Variants in TDRD7 observed in about 807,000 individuals in gnomAD.
The protein encoded by TDRD7 is tudor domain-containing protein 7.
A neutral mutation model predicts 109.8 loss-of-function variants in TDRD7; 47 were observed. The ratio of observed to expected loss-of-function variants is 0.43; its 90% CI spans 0.34 to 0.55. TDRD7 has a LOEUF of 0.55. Among genes scored for constraint, TDRD7 ranks in the 20% least tolerant of loss-of-function variants. The pLI is 0.03. For synonymous variants in TDRD7, 424 were observed against 457.3 expected, an observed-to-expected ratio of 0.93 and a Z score of 0.93; for missense variants, 1,164 against 1,319.2, an observed-to-expected ratio of 0.88 and a Z score of 1.82.
At chr9:97,424,511 T>G (rs1214341242) in intron 1 of TDRD7, among the ~76,000 whole-genome samples, 1 of 152,232 alleles carries the variant, frequency 6.6e-6, no homozygotes, top group Non-Finnish European at 1.5e-5. Flanking sequence ...TGATGTTTGG[T>G]GCACCTATGC....
intron 12 of TDRD7, among the ~76,000 whole-genome samples, chr9:97,477,778 T>G (rs1021302078): frequency 1.3e-5 from 2 of 152,132 alleles, no homozygotes; most frequent in African/African-American, 4.8e-5. Context: ...CCTTATATTT[T>G]AATATTTTGG....
In TDRD7 at chr9:97,432,032, A is replaced by G; in HGVS notation, c.357A>G (p.Pro119=). ...KTMPFFLEGK[P]KATLRQPGFA... Reference sequence around the variant, plus strand: ...GTATGCCTAACTTCATAGGAAAACCAAAAGCAACCCTCAGACAACCAGGAT... The same window carrying G: ...GTATGCCTAACTTCATAGGAAAACCGAAAGCAACCCTCAGACAACCAGGAT... The change falls in exon 4 of 17, where the codon CCA becomes CCG. Residue 119 remains proline, a synonymous_variant. Transcript: ENST00000355295. 6.2e-7 allele frequency: 1 copy of G among 1,613,758 alleles called. No individual in the cohort carries two copies. The highest frequency in any genetic ancestry group is 8.5e-7 in the Non-Finnish European group (1 of 1,179,724).
Position 97,443,153 on chromosome 9 carries a change from G to C in TDRD7, c.855+1278G>C, listed in dbSNP as rs115061740. ...CTCCACTTGAGTCTGTGGCCTCTTA[G>C]AGACTGGTGTCATTCAATCATTCAT... On this transcript the variant is annotated intron_variant, in intron 6 of 16. Transcript: ENST00000355295. Among the ~76,000 whole-genome samples the C allele has an allele frequency of 7.9e-3, 1,202 of 152,254 alleles. 17 individuals are homozygous for C. Among genetic ancestry groups the C allele is most frequent in the African/African-American group, 0.028 (1,161 of 41,552 alleles).
At chr9:97,423,761 T>C (rs189239183) in intron 1 of TDRD7, among the ~76,000 whole-genome samples, 1 of 152,318 alleles carries the variant, frequency 6.6e-6, no homozygotes, top group Admixed American at 6.5e-5. Context: ...CCTTTCTCTT[T>C]GACCCTTGGT....
intron 6 of TDRD7, among the ~76,000 whole-genome samples, chr9:97,449,605 C>T (rs1828456721): frequency 6.6e-6 from 1 of 152,180 alleles, no homozygotes; most frequent in South Asian, 2.1e-4. Flanking sequence ...TGCCACCCTC[C>T]AGGCAGCCCT....
chr9:97,473,099 T>C (rs958885057), intron 10 of TDRD7, among the ~76,000 whole-genome samples: 1 of 152,192 alleles, frequency 6.6e-6, no homozygotes, highest in Non-Finnish European at 1.5e-5. Flanking sequence ...GAAAGTAGAC[T>C]GATGATGGAT....
In TDRD7 at chr9:97,425,006, G is replaced by T. The variant is rs368325880; in HGVS notation, c.-6-3454G>T. ...ACAATATCCCTCTTTATCATAGTCA[G>T]CTTTCAAATGACACTACAGCGCCTC... On this transcript the variant is annotated intron_variant, in intron 1 of 16. Coordinates refer to ENST00000355295, the MANE Select transcript of TDRD7 (RefSeq NM_014290.3). Among the ~76,000 whole-genome samples the T allele has an allele frequency of 9.5e-4, 145 of 152,054 alleles. 1 individual carries two copies. In the South Asian group the frequency reaches 0.028, roughly 29 times the overall value.
chr9:97,431,135 A>G, intron 3 of TDRD7, 61 bp downstream of exon 3: 2 of 1,598,920 alleles, frequency 1.3e-6, no homozygotes, highest in Non-Finnish European at 8.6e-7. Context: ...ATCATAGGGA[A>G]TTATGGAAAT....
At chr9:97,432,849 A>G (rs553697233) in intron 4 of TDRD7, among the ~76,000 whole-genome samples, 2 of 152,358 alleles carry the variant, frequency 1.3e-5, no homozygotes, top group Non-Finnish European at 2.9e-5. Context: ...GTGGCAAACT[A>G]CAATCGATGG....
intron 12 of TDRD7, among the ~76,000 whole-genome samples, chr9:97,476,145 A>C (rs997925541): frequency 1.3e-5 from 2 of 152,046 alleles, no homozygotes; most frequent in African/African-American, 2.4e-5. Flanking sequence ...TTGCTCTCCA[A>C]AGTTGCCTTC....
intron 7 of TDRD7, among the ~76,000 whole-genome samples, chr9:97,462,990 G>A (rs1042512834): frequency 6.6e-6 from 1 of 152,258 alleles, no homozygotes; most frequent in Admixed American, 6.5e-5. Context: ...GCACTAGGGG[G>A]AGGCCCAGTG....
chr9:97,457,777 TAC>T (rs1295785241), intron 6 of TDRD7, among the ~76,000 whole-genome samples: 1 of 152,138 alleles, frequency 6.6e-6, no homozygotes, highest in African/African-American at 2.4e-5. Context: ...ATGTGGTGCG[TAC>T]ACACTATGGA....
In TDRD7 at chr9:97,433,918, G is replaced by T. The variant is rs191445017; in HGVS notation, c.563+1680G>T. On this transcript the variant is annotated intron_variant, in intron 4 of 16. Transcript: ENST00000355295. Reference sequence around the variant, plus strand: ...GGGGAACCCCAATACACTGCTGGGGGAAATGTAGGTTAGTACAGCTATTAT... The same window carrying T: ...GGGGAACCCCAATACACTGCTGGGGTAAATGTAGGTTAGTACAGCTATTAT... Among the ~76,000 whole-genome samples, 3 of 152,286 alleles carry T rather than the reference G, an allele frequency of 2.0e-5. No individual in the cohort carries two copies. In the East Asian group the frequency reaches 5.8e-4, roughly 29 times the overall value.
chr9:97,480,990 C>T (rs758659257), intron 14 of TDRD7, 52 bp downstream of exon 14: 1 of 1,495,474 alleles, frequency 6.7e-7, no homozygotes, highest in Non-Finnish European at 9.3e-7. Context: ...TGGCAGCTGT[C>T]AGGGCTCATT....
intron 6 of TDRD7, among the ~76,000 whole-genome samples, chr9:97,444,854 A>G (rs1178248889): frequency 1.3e-5 from 2 of 152,246 alleles, no homozygotes; most frequent in Non-Finnish European, 2.9e-5. Flanking sequence ...AATGCACAGC[A>G]TCAGCTTTAG....
chr9:97,428,315 C>T, intron 1 of TDRD7, 145 bp from the exon 2 acceptor site: 1 of 801,830 alleles, frequency 1.2e-6, no homozygotes, highest in Non-Finnish European at 2.0e-6. Context: ...CTTTTCTCTA[C>T]CGTGGCAGTT....
intron 1 of TDRD7, among the ~76,000 whole-genome samples, chr9:97,428,101 C>T (rs576830270): frequency 5.9e-4 from 90 of 152,242 alleles, no homozygotes; most frequent in Non-Finnish European, 1.1e-3. Flanking sequence ...TCTGTGCACT[C>T]GCACATCCTG....
chr9:97,441,865 A>G lies in TDRD7; in HGVS notation c.845A>G (p.His282Arg). The G allele has an allele frequency of 1.2e-6, 2 of 1,613,368 alleles. No individual in the cohort carries two copies. Among genetic ancestry groups the G allele is most frequent in the Non-Finnish European group, 1.7e-6 (2 of 1,179,474 alleles). Residue 282 changes from histidine to arginine, a missense_variant, in exon 6 of 17, where the codon CAT becomes CGT. By Grantham distance (29) the His-to-Arg change is conservative. This residue lies in a region of TDRD7 where 407 missense variants were observed against 394.0 expected (regional missense o/e 1.03). Transcript: ENST00000355295. ...GILQQFEHWP[H>R]ICTVEKPCSG... ...TTACAACAGTTTGAACACTGGCCTC[A>G]TATTTGCACGGTATGTTTTTCCTTA...
intron 6 of TDRD7, among the ~76,000 whole-genome samples, chr9:97,453,017 A>C (rs922041752): frequency 4.6e-5 from 7 of 152,226 alleles, no homozygotes; most frequent in Non-Finnish European, 8.8e-5. Context: ...CCAGATTCTC[A>C]GTACACTCCT....
Sources: allele counts gnomAD v4.1 joint callset (sites outside exome capture counted in the v4.1 genomes callset), GRCh38; gene constraint gnomAD v4.1.1; regional missense constraint gnomAD v4.1.1; transcripts MANE v1.5; gene names NCBI Gene and HGNC (gene_info 2026-07-23, HGNC 2026-07-21).